Variants in FMNL2 observed in about 807,000 individuals in gnomAD.
The protein encoded by FMNL2 is formin-like protein 2.
In FMNL2, 51 loss-of-function variants were observed where a neutral mutation model predicts 130.2. The ratio of observed to expected loss-of-function variants is 0.39; its 90% confidence interval spans 0.31 to 0.49. The LOEUF (loss-of-function observed/expected upper bound fraction) is 0.49. FMNL2 is among the 20% of genes least tolerant of loss of function. The pLI, the probability that FMNL2 is intolerant of heterozygous loss-of-function variation, is 0.85. For synonymous variants in FMNL2, 465 were observed against 467.1 expected (o/e 1.00, Z 0.06); for missense variants, 977 against 1,316.2 (o/e 0.74, Z 3.99).
At chr2:152,351,731 G>A (rs551233039) in intron 1 of FMNL2, among the ~76,000 whole-genome samples, 8 of 152,106 alleles carry the variant, frequency 5.3e-5, no homozygotes, top group African/African-American at 1.4e-4. Context: ...TGGGATTGCT[G>A]GGTCAAATGG....
At chr2:152,532,717 C>T (rs1194898541) in intron 2 of FMNL2, among the ~76,000 whole-genome samples, 2 of 151,334 alleles carry the variant, frequency 1.3e-5, no homozygotes, top group African/African-American at 2.4e-5. Context: ...AAGCGATTCT[C>T]CTGCCTCAGT....
Position 152,628,369 on chromosome 2 carries a change from G to T in FMNL2, c.2236G>T (p.Val746Leu), listed in dbSNP as rs1387983035. Residue 746 changes from valine (V) to leucine (L), a missense_variant, in exon 18 of 26, where the codon GTG becomes TTG. By Grantham distance (32) the Val-to-Leu change is conservative (BLOSUM62 1). This residue lies in a region of FMNL2 where 689 missense variants were observed against 995.9 expected (regional missense o/e 0.69). Transcript: ENST00000288670. Reference protein sequence around the residue: ...LMRFLPTENEVKVLRLYERER... With the variant: ...LMRFLPTENELKVLRLYERER... ...GCGGTTCCTACCAACTGAGAATGAAGTGAAAGTGCTTCGGCTCTACGAGCG... is the reference window on the plus strand; with the variant it reads ...GCGGTTCCTACCAACTGAGAATGAATTGAAAGTGCTTCGGCTCTACGAGCG... 1.2e-6 allele frequency: 2 copies of T among 1,613,950 alleles called. No homozygotes were observed. The highest frequency in any genetic ancestry group is 1.1e-5 in the South Asian group (1 of 91,092).
chr2:152,408,295 G>A (rs1425825764), intron 1 of FMNL2, among the ~76,000 whole-genome samples: 3 of 151,890 alleles, frequency 2.0e-5, no homozygotes, highest in South Asian at 2.1e-4. Context: ...TATCTTTATC[G>A]TAGCCCTAAT....
At chr2:152,474,824 C>T (rs1690059201) in intron 1 of FMNL2, among the ~76,000 whole-genome samples, 1 of 152,154 alleles carries the variant, frequency 6.6e-6, no homozygotes, top group Non-Finnish European at 1.5e-5. Context: ...TTTTATTTAA[C>T]AATTCTTTAT....
chr2:152,456,936 CA>C (rs59672196), intron 1 of FMNL2, among the ~76,000 whole-genome samples: 17,537 of 96,634 alleles, frequency 0.18, 1,414 homozygotes, highest in Admixed American at 0.3. Context: ...GACTCCCTTT[CA>C]AAAAAAAAAA....
At chr2:152,348,262 G>A (rs1332883802) in intron 1 of FMNL2, among the ~76,000 whole-genome samples, 2 of 152,198 alleles carry the variant, frequency 1.3e-5, no homozygotes, top group East Asian at 3.8e-4. Flanking sequence ...GCTTTCATAT[G>A]TAGCTTTGTA....
chr2:152,564,106 C>T (rs113052453), intron 6 of FMNL2, among the ~76,000 whole-genome samples: 194 of 152,064 alleles, frequency 1.3e-3, no homozygotes, highest in African/African-American at 4.5e-3. Flanking sequence ...ATTATGATTC[C>T]TCATTTTTAG....
At chr2:152,527,034 C>G (rs971103020) in intron 2 of FMNL2, among the ~76,000 whole-genome samples, 1 of 152,012 alleles carries the variant, frequency 6.6e-6, no homozygotes, top group Non-Finnish European at 1.5e-5. Flanking sequence ...CCATGTATTC[C>G]TTAAATTACT....
At chr2:152,513,239 C>T (rs185661226) in intron 1 of FMNL2, among the ~76,000 whole-genome samples, 1 of 152,270 alleles carries the variant, frequency 6.6e-6, no homozygotes, top group Admixed American at 6.5e-5. Context: ...GACATGATCA[C>T]GAGAGTCAGA....
At chr2:152,456,926 G>A (rs1048542144) in intron 1 of FMNL2, among the ~76,000 whole-genome samples, 1 of 140,938 alleles carries the variant, frequency 7.1e-6, no homozygotes, top group Non-Finnish European at 1.5e-5. Flanking sequence ...GACAGAGTGA[G>A]ACTCCCTTTC....
At chr2:152,573,200 G>C (rs534461312) in intron 6 of FMNL2, among the ~76,000 whole-genome samples, 2 of 152,214 alleles carry the variant, frequency 1.3e-5, no homozygotes, top group Non-Finnish European at 2.9e-5. Context: ...TGTTCTGTAA[G>C]AGATGCCTAT....
rs1230734500 is a variant in FMNL2, at chr2:152,632,143, T to C, written c.2680+6T>C. On this transcript the variant is annotated splice_donor_region_variant and intron_variant, in intron 21 of 25. Coordinates refer to ENST00000288670, the MANE Select transcript of FMNL2 (RefSeq NM_052905.4). Reference sequence around the variant, plus strand: ...TGTGGAAAAAGCTGCTGCAGGTACTTGATTTCAGCTATTACCGTTCGTCTT... The same window carrying C: ...TGTGGAAAAAGCTGCTGCAGGTACTCGATTTCAGCTATTACCGTTCGTCTT... The C allele has an allele frequency of 1.2e-6, 2 of 1,609,240 alleles. No homozygotes were observed. Among genetic ancestry groups the C allele is most frequent in the Non-Finnish European group, 1.7e-6 (2 of 1,177,952 alleles).
At chr2:152,504,815 G>A (rs1692064999) in intron 1 of FMNL2, among the ~76,000 whole-genome samples, 1 of 152,094 alleles carries the variant, frequency 6.6e-6, no homozygotes, top group African/African-American at 2.4e-5. Flanking sequence ...CTGTCAGGCG[G>A]GGGCTTAGGA....
chr2:152,637,745 ACT>A, intron 23 of FMNL2, 71 bp downstream of exon 23: 1 of 1,397,630 alleles, frequency 7.2e-7, no homozygotes, highest in Admixed American at 1.8e-5. Flanking sequence ...CTGAGTCCCA[ACT>A]CTCTGCAGAG....
chr2:152,484,178 G>A (rs1353220823), intron 1 of FMNL2, among the ~76,000 whole-genome samples: 1 of 152,154 alleles, frequency 6.6e-6, no homozygotes, highest in African/African-American at 2.4e-5. Flanking sequence ...AGAGTCACTG[G>A]TGTGCAATTC....
intron 1 of FMNL2, among the ~76,000 whole-genome samples, chr2:152,386,344 G>A (rs543834127): frequency 2.6e-5 from 4 of 152,178 alleles, no homozygotes; most frequent in Non-Finnish European, 5.9e-5. Context: ...TCAATGTAAA[G>A]CTCTTATAGA....
Position 152,619,166 on chromosome 2 carries a change from G to T in FMNL2, c.1627+8G>T. 3 of 1,542,374 alleles carry T rather than the reference G, an allele frequency of 1.9e-6. No individual in the cohort carries two copies. The highest frequency in any genetic ancestry group is 2.6e-6 in the Non-Finnish European group (3 of 1,148,774). Reference sequence around the variant, plus strand: ...CAGACACACCTGAAACAGGTAAGAAGCCTTGGCAGGAGGACTGAGGAAGTT... The same window carrying T: ...CAGACACACCTGAAACAGGTAAGAATCCTTGGCAGGAGGACTGAGGAAGTT... On this transcript the variant is annotated splice_region_variant and intron_variant, in intron 14 of 25. Coordinates refer to ENST00000288670, the MANE Select transcript of FMNL2 (RefSeq NM_052905.4).
At chr2:152,544,629 G>A (rs1282683304) in intron 3 of FMNL2, among the ~76,000 whole-genome samples, 2 of 152,134 alleles carry the variant, frequency 1.3e-5, no homozygotes, top group African/African-American at 4.8e-5. Flanking sequence ...GTTGAGTGTG[G>A]CAGAGATGCT....
chr2:152,500,153 T>C (rs1691734474), intron 1 of FMNL2, among the ~76,000 whole-genome samples: 2 of 152,042 alleles, frequency 1.3e-5, no homozygotes. Context: ...GAAGAGAACA[T>C]GTTGTTATAG....
Sources: gnomAD v4.1 joint callset for allele counts (sites outside exome capture counted in the v4.1 genomes callset) on GRCh38, gnomAD v4.1.1 for gene constraint, gnomAD v4.1.1 regional missense constraint, MANE v1.5 for transcripts, NCBI Gene and HGNC (gene_info 2026-07-23, HGNC 2026-07-21) for gene names.